The following TAF6L variants were observed in gnomAD, a reference collection of about 807,000 sequenced individuals.
The protein encoded by TAF6L is TAF6-like RNA polymerase II p300/CBP-associated factor-associated factor 65 kDa subunit 6L.
In TAF6L, 34 loss-of-function variants were observed where a neutral mutation model predicts 57.3. The ratio of observed to expected loss-of-function variants is 0.59; its 90% CI spans 0.45 to 0.79. The LOEUF (loss-of-function observed/expected upper bound fraction) is 0.79. Among genes scored for constraint, TAF6L ranks in the 30% least tolerant of loss-of-function variants. TAF6L has a pLI of 0.00. For missense variants in TAF6L, 782 were observed against 853.2 expected, an observed-to-expected ratio of 0.92 and a Z score of 1.04; for synonymous variants, 417 against 376.3, an observed-to-expected ratio of 1.11 and a Z score of -1.25.
intron 5 of TAF6L, 24 bp downstream of exon 5, chr11:62,778,359 G>A (rs556110489): frequency 5.0e-6 from 8 of 1,614,082 alleles, no homozygotes; most frequent in Non-Finnish European, 6.8e-6. Context: ...TAGGAAACAG[G>A]CTCTTTGGAT....
At chr11:62,782,082 G>T (rs1350765388) in intron 7 of TAF6L, 31 bp from the exon 8 acceptor site, 1 of 1,591,180 alleles carries the variant, frequency 6.3e-7, no homozygotes, top group Non-Finnish European at 8.6e-7. Context: ...GTCCCCTCAT[G>T]TCCCTGTAAG....
intron 7 of TAF6L, 59 bp downstream of exon 7, chr11:62,782,027 T>G: frequency 6.2e-7 from 1 of 1,602,838 alleles, no homozygotes; most frequent in Non-Finnish European, 8.5e-7. Context: ...ACCCAGCAGG[T>G]GTAGGGCTCA....
At chr11:62,773,568 C>T (rs2134696546) in intron 1 of TAF6L, among the ~76,000 whole-genome samples, 1 of 152,202 alleles carries the variant, frequency 6.6e-6, no homozygotes, top group Non-Finnish European at 1.5e-5. Flanking sequence ...CTGCCTCAGC[C>T]TTGCGAGTAG....
Position 62,787,328 on chromosome 11 carries a change from T to C in TAF6L, c.*32T>C, listed in dbSNP as rs745929152. Reference sequence around the variant, plus strand: ...GGCCCCTTCGTTCCTTGTAAATAAATCCCGCCCCCGGAAATGACGTCTCCA... The same window carrying C: ...GGCCCCTTCGTTCCTTGTAAATAAACCCCGCCCCCGGAAATGACGTCTCCA... On this transcript the variant is annotated 3_prime_UTR_variant, in exon 11 of 11. Transcript: ENST00000294168. 2.3e-5 allele frequency: 35 copies of C among 1,523,224 alleles called. No homozygotes were observed. Among genetic ancestry groups the C allele is most frequent in the Non-Finnish European group, 3.0e-5 (34 of 1,142,102 alleles). 94.4% of individuals were successfully genotyped at this position (1,523,224 alleles called of 1,614,324 possible).
chr11:62,778,452 G>T, intron 5 of TAF6L, 117 bp downstream of exon 5: 1 of 1,296,084 alleles, frequency 7.7e-7, no homozygotes, highest in Non-Finnish European at 1.1e-6. Context: ...TGCCTGCCTT[G>T]TGCCATGGTC....
In TAF6L at chr11:62,774,378, A is replaced by G. The variant is rs1014127743; in HGVS notation, c.-13-1393A>G. 8.5e-5 allele frequency among the ~76,000 whole-genome samples: 13 copies of G among 152,188 alleles called. 1 individual carries two copies. Among genetic ancestry groups the G allele is most frequent in the Admixed American group, 4.6e-4 (7 of 15,270 alleles). ...GGCGTGAGCCACCGCGCCCGGCCCA[A>G]ATTTGTTCTTTATTTCAAAGACAAT... On this transcript the variant is annotated intron_variant, in intron 1 of 10. Coordinates refer to ENST00000294168, the MANE Select transcript of TAF6L (RefSeq NM_006473.4).
At chr11:62,773,501 G>A (rs2084164635) in intron 1 of TAF6L, among the ~76,000 whole-genome samples, 1 of 149,676 alleles carries the variant, frequency 6.7e-6, no homozygotes. Context: ...AGAATGGAGT[G>A]CACTGGTGCG....
chr11:62,787,300 A>T lies in TAF6L; in HGVS notation c.*4A>T, dbSNP rs372280960. The T allele has an allele frequency of 1.3e-6, 2 of 1,536,118 alleles. No homozygotes were observed. Among genetic ancestry groups the T allele is most frequent in the East Asian group, 2.3e-5 (1 of 43,030 alleles). ...CTCGCTGTACTTGCCGCTCTGAGTC[A>T]GTGGCCCCTTCGTTCCTTGTAAATA... On this transcript the variant is annotated 3_prime_UTR_variant, in exon 11 of 11. Coordinates refer to ENST00000294168, the MANE Select transcript of TAF6L (RefSeq NM_006473.4).
chr11:62,787,266 C>A lies in TAF6L; in HGVS notation c.1839C>A (p.Leu613=). 1 of 1,561,526 alleles carries A rather than the reference C, an allele frequency of 6.4e-7. No homozygotes were observed. ...GCCGCCCCGCCCGCCGGTGGGCGCT[C>A]TCGGACTACTCGCTGTACTTGCCGC... is the stretch of plus-strand genomic sequence containing the variant. ...RTSRPARRWA[L]SDYSLYLPL The change falls in exon 11 of 11, where the codon CTC becomes CTA. Residue 613 remains leucine, a synonymous_variant. Transcript: ENST00000294168.
chr11:62,782,818 G>A lies in TAF6L; in HGVS notation c.953G>A (p.Gly318Asp), dbSNP rs1252406003. 1.2e-6 allele frequency: 2 copies of A among 1,614,046 alleles called. No individual in the cohort carries two copies. The highest frequency in any genetic ancestry group is 1.7e-5 in the Admixed American group (1 of 60,012). ...GCCGTGGTGGGGCTGCATGCTCTTG[G>A]CTGGAAGGTGAGCACCCTGGCCTTT... is the stretch of plus-strand genomic sequence containing the variant. The part of the protein sequence containing the change: ...YGAVVGLHAL[G>D]WKAVERVLYP... The change falls in exon 9 of 11, where the codon GGC (glycine) becomes GAC (aspartate). Residue 318 changes from glycine to aspartate, a missense_variant. By Grantham distance (94) the Gly-to-Asp change is moderately conservative (BLOSUM62 -1). Transcript: ENST00000294168.
intron 9 of TAF6L, among the ~76,000 whole-genome samples, chr11:62,784,528 G>C (rs558850976): frequency 6.7e-6 from 1 of 149,212 alleles, no homozygotes; most frequent in East Asian, 2.0e-4. Context: ...GGATGGTCTC[G>C]ATCTCCTGGC....
At chr11:62,782,848 C>T (rs766756179) in intron 9 of TAF6L, 23 bp downstream of exon 9, 3 of 1,612,948 alleles carry the variant, frequency 1.9e-6, no homozygotes, top group East Asian at 2.2e-5. Flanking sequence ...GCCTTTCTCA[C>T]ACAGCCGTAA....
chr11:62,777,559 G>A (rs2084196406), intron 3 of TAF6L, among the ~76,000 whole-genome samples: 1 of 152,202 alleles, frequency 6.6e-6, no homozygotes, highest in African/African-American at 2.4e-5. Context: ...AGGCCAAGAG[G>A]AAAAGAAGGC....
chr11:62,782,594 G>C, intron 8 of TAF6L, 99 bp from the exon 9 acceptor site: 2 of 1,526,238 alleles, frequency 1.3e-6, no homozygotes, highest in South Asian at 1.2e-5. Flanking sequence ...CAGCACTCCC[G>C]AGTGTGCTGT....
intron 4 of TAF6L, 45 bp downstream of exon 4, chr11:62,778,173 G>A (rs747767166): frequency 3.1e-5 from 50 of 1,613,702 alleles, no homozygotes; most frequent in African/African-American, 4.0e-5. Context: ...GAGTTGGGCC[G>A]TGAAGAGAAG....
At chr11:62,774,604 C>A in intron 1 of TAF6L, 1 of 455,016 alleles carries the variant, frequency 2.2e-6, no homozygotes, top group Middle Eastern at 4.8e-4. Context: ...CCTTCTGGTG[C>A]TGTGCGTTGT....
intron 6 of TAF6L, 101 bp from the exon 7 acceptor site, chr11:62,781,793 T>C: frequency 9.7e-7 from 1 of 1,026,204 alleles, no homozygotes; most frequent in Non-Finnish European, 1.5e-6. Flanking sequence ...ATTAAAATTG[T>C]AAAACATGAA....
intron 8 of TAF6L, 35 bp downstream of exon 8, chr11:62,782,368 C>G (rs1166739898): frequency 1.2e-6 from 2 of 1,600,632 alleles, no homozygotes; most frequent in African/African-American, 1.3e-5. Flanking sequence ...GGTGGGATTG[C>G]TGCAGAGCCA....
chr11:62,779,976 A>ATATAT lies in TAF6L; in HGVS notation c.531+1014_531+1015insATATT, dbSNP rs1294367864. On this transcript the variant is annotated intron_variant, in intron 6 of 10. Coordinates refer to ENST00000294168, the MANE Select transcript of TAF6L (RefSeq NM_006473.4). ...CCTATATATATATATATATATATAT[A>ATATAT]TTTTTTTTTTTTTTTTTTTTAGAGA... Among the ~76,000 whole-genome samples the ATATAT allele has an allele frequency of 5.5e-3, 291 of 52,626 alleles. 3 individuals are homozygous for ATATAT. Among genetic ancestry groups the ATATAT allele is most frequent in the Non-Finnish European group, 9.3e-3 (256 of 27,564 alleles). 34.5% of individuals were successfully genotyped at this position (52,626 alleles called of 152,430 possible).
Sources: allele counts gnomAD v4.1 joint callset (sites outside exome capture counted in the v4.1 genomes callset), GRCh38; gene constraint gnomAD v4.1.1; transcripts MANE v1.5; gene names NCBI Gene and HGNC (gene_info 2026-07-23, HGNC 2026-07-21).